The following KIF27 variants were observed in gnomAD, a reference collection of about 807,000 sequenced individuals.
KIF27 encodes kinesin-like protein KIF27.
KIF27 carries 84 observed loss-of-function variants against 141.8 expected under a neutral mutation model. The ratio of observed to expected loss-of-function variants is 0.59; its 90% confidence interval spans 0.50 to 0.71. The LOEUF is 0.71. Ranked by LOEUF, KIF27 falls within the 30% of genes least tolerant of loss-of-function variation. The pLI, the probability that KIF27 is intolerant of heterozygous loss-of-function variation, is 0.00. For synonymous variants in KIF27, 471 were observed against 569.5 expected (o/e 0.83, Z 2.46); for missense variants, 1,306 against 1,628.4 (o/e 0.80, Z 3.41).
At chr9:83,894,314 C>T (rs1183139891) in intron 5 of KIF27, among the ~76,000 whole-genome samples, 2 of 152,180 alleles carry the variant, frequency 1.3e-5, no homozygotes, top group Admixed American at 6.6e-5. Context: ...AACTTACTGA[C>T]AAATATAAAC....
chr9:83,853,712 G>C lies in KIF27; in HGVS notation c.3274C>G (p.Arg1092Gly), dbSNP rs529481603. Reference protein sequence around the residue: ...SLRASFHNLSRGEANVLEKLA... With the variant: ...SLRASFHNLSGGEANVLEKLA... ...TTTTCCAAGACATTTGCTTCACCAC[G>C]AGAGAGGTTATGGAATGATGCTCTA... Residue 1092 changes from arginine (R) to glycine (G), a missense_variant, in exon 15 of 18, where the codon CGT becomes GGT. This residue lies in a region of KIF27 where 596 missense variants were observed against 751.6 expected (regional missense o/e 0.79). Coordinates refer to ENST00000297814, the MANE Select transcript of KIF27 (RefSeq NM_017576.4). 1.9e-6 allele frequency: 3 copies of C among 1,613,758 alleles called. No homozygotes were observed. Among genetic ancestry groups the C allele is most frequent in the South Asian group, 1.1e-5 (1 of 91,066 alleles).
chr9:83,859,337 C>T lies in KIF27; in HGVS notation c.2969G>A (p.Arg990His), dbSNP rs146715557. 1.9e-3 allele frequency: 3,025 copies of T among 1,613,826 alleles called. No individual in the cohort carries two copies. The highest frequency in any genetic ancestry group is 2.4e-3 in the Non-Finnish European group (2,788 of 1,179,952). The change falls in exon 14 of 18, where the codon CGC (arginine) becomes CAC (histidine). Residue 990 changes from arginine (R) to histidine (H), a missense_variant. Arg to His is a conservative substitution (Grantham distance 29). Coordinates refer to ENST00000297814, the MANE Select transcript of KIF27 (RefSeq NM_017576.4). ...LNTDSLKISTRLNLLEQELSE... is the reference protein window; with the variant it reads ...LNTDSLKISTHLNLLEQELSE... ...CAACTCTTGTTCCAGTAAGTTCAGG[C>T]GAGTTGATATTTTCAAACTATCTGT...
At chr9:83,921,246 C>G (rs1956245735) in intron 1 of KIF27, 125 bp downstream of exon 1, 1 of 152,248 alleles carries the variant, frequency 6.6e-6, no homozygotes, top group Middle Eastern at 3.4e-3. Flanking sequence ...CAAGCCGGAG[C>G]CTACTAGTCC....
In KIF27 at chr9:83,859,139, A is replaced by T; in HGVS notation, c.3150+17T>A. The T allele has an allele frequency of 6.4e-7, 1 of 1,553,768 alleles. No homozygotes were observed. The highest frequency in any genetic ancestry group is 8.9e-7 in the Non-Finnish European group (1 of 1,124,996). ...TCCATCATACAGCACCTCCAGTTCCAAAGAATACTGACTTACTTCAGGTGA... is the reference window on the plus strand; with the variant it reads ...TCCATCATACAGCACCTCCAGTTCCTAAGAATACTGACTTACTTCAGGTGA... On this transcript the variant is annotated intron_variant, in intron 14 of 17. Coordinates refer to ENST00000297814, the MANE Select transcript of KIF27 (RefSeq NM_017576.4).
chr9:83,863,403 C>T (rs1433839632), intron 13 of KIF27, among the ~76,000 whole-genome samples: 2 of 152,138 alleles, frequency 1.3e-5, no homozygotes, highest in Non-Finnish European at 2.9e-5. Context: ...TGAATTTTGT[C>T]AAAGGCCTTT....
Position 83,848,110 on chromosome 9 carries a change from ATATC to A in KIF27, c.3556+1985_3556+1988del, listed in dbSNP as rs1564283798. ...ATATATATGATATATATGATATCTC[ATATC>A]TGATATATCTGATATCTCATATATG... On this transcript the variant is annotated intron_variant, in intron 16 of 17. Coordinates refer to ENST00000297814, the MANE Select transcript of KIF27 (RefSeq NM_017576.4). Among the ~76,000 whole-genome samples, 160 of 22,580 alleles carry A rather than the reference ATATC, an allele frequency of 7.1e-3. 61 individuals carry two copies. Among genetic ancestry groups the A allele is most frequent in the African/African-American group, 0.066 (149 of 2,256 alleles). The allele number at this position is 22,580 out of a possible 152,430, so 14.8% of individuals were successfully genotyped here. A position where few individuals can be genotyped will look rare whatever the true frequency, so the allele number is the denominator to read the frequency against.
chr9:83,912,749 A>G (rs1472603680), intron 2 of KIF27, among the ~76,000 whole-genome samples: 1 of 152,178 alleles, frequency 6.6e-6, no homozygotes, highest in Admixed American at 6.5e-5. Context: ...TCATTTAGCT[A>G]TTATATGGTA....
intron 16 of KIF27, among the ~76,000 whole-genome samples, chr9:83,845,877 CTG>C (rs1484284592): frequency 6.6e-6 from 1 of 152,188 alleles, no homozygotes; most frequent in Non-Finnish European, 1.5e-5. Context: ...TAGTCAAAAA[CTG>C]TGAAGATATT....
rs2780132 is a variant in KIF27 at position 83,835,622 on chromosome 9, A to G, written c.*1379T>C. ...CTAGCAATGAGAGAAAGGAAGCCTT[A>G]AGTCTTTGAGCACAGGGTGACAGTT... On this transcript the variant is annotated 3_prime_UTR_variant, in exon 18 of 18. Transcript: ENST00000297814. 1.3e-5 allele frequency: 2 copies of G among 152,172 alleles called. No individual in the cohort carries two copies. Among genetic ancestry groups the G allele is most frequent in the Non-Finnish European group, 2.9e-5 (2 of 68,028 alleles). 9.4% of individuals were successfully genotyped at this position (152,172 alleles called of 1,614,324 possible).
rs1430957244 is a variant in KIF27, at chr9:83,834,722, T to C, written c.*2279A>G. 1.3e-5 allele frequency among the ~76,000 whole-genome samples: 2 copies of C among 151,376 alleles called. No homozygotes were observed. Among genetic ancestry groups the C allele is most frequent in the East Asian group, 1.9e-4 (1 of 5,168 alleles). ...TTATTAGGATCTTCATTAATAAATA[T>C]TTATTTATAAATATTGCTGTGCTTG... On this transcript the variant is annotated 3_prime_UTR_variant, in exon 18 of 18. Transcript: ENST00000297814.
chr9:83,848,504 A>C lies in KIF27; in HGVS notation c.3556+1595T>G, dbSNP rs1002014039. On this transcript the variant is annotated intron_variant, in intron 16 of 17. Transcript: ENST00000297814. ...CATATAGATATGTATATATCTATAT[A>C]TAGCTATATATGCATATATACATAT... The C allele has an allele frequency of 2.8e-5, 4 of 144,624 alleles. No individual in the cohort carries two copies. The Admixed American group carries it at 2.8e-4, about 10-fold the overall frequency. 9.0% of individuals were successfully genotyped at this position (144,624 alleles called of 1,614,324 possible).
chr9:83,916,271 G>A (rs1206640713), intron 1 of KIF27, among the ~76,000 whole-genome samples: 1 of 152,142 alleles, frequency 6.6e-6, no homozygotes, highest in Non-Finnish European at 1.5e-5. Context: ...AACCTCAGGT[G>A]ACCCGCCCGC....
intron 13 of KIF27, chr9:83,863,894 T>G (rs1950147009): frequency 6.6e-6 from 1 of 152,194 alleles, no homozygotes; most frequent in African/African-American, 2.4e-5. Flanking sequence ...TTCCTCCTGG[T>G]TTAGTCTTGG....
In KIF27 at chr9:83,856,612, T is replaced by C. The variant is rs543192142; in HGVS notation, c.3150+2544A>G. 3.3e-5 allele frequency among the ~76,000 whole-genome samples: 5 copies of C among 151,932 alleles called. No homozygotes were observed. The South Asian group carries it at 1.0e-3, about 32-fold the overall frequency. On this transcript the variant is annotated intron_variant, in intron 14 of 17. Coordinates refer to ENST00000297814, the MANE Select transcript of KIF27 (RefSeq NM_017576.4). Reference sequence around the variant, plus strand: ...AAAAACTAGCCAAGCATGATGGCACTTGCCTGCAGTGCCAGCTACTCAGGT... The same window carrying C: ...AAAAACTAGCCAAGCATGATGGCACCTGCCTGCAGTGCCAGCTACTCAGGT...
At chr9:83,848,580 CAT>C (rs1273528317) in intron 16 of KIF27, 7 of 143,702 alleles carry the variant, frequency 4.9e-5, no homozygotes, top group Non-Finnish European at 1.1e-4. Context: ...CTATATATAT[CAT>C]ATATGCTATA....
At chr9:83,844,351 T>TATAGATAG (rs59174820) in intron 16 of KIF27, among the ~76,000 whole-genome samples, 1,387 of 109,436 alleles carry the variant, frequency 0.013, 20 homozygotes, top group African/African-American at 0.049. Flanking sequence ...TATATAGATA[T>TATAGATAG]CTATATCTAT....
chr9:83,900,701 G>A (rs1236452458), intron 4 of KIF27, among the ~76,000 whole-genome samples: 3 of 151,640 alleles, frequency 2.0e-5, no homozygotes, highest in Non-Finnish European at 2.9e-5. Context: ...ATCAATCAAC[G>A]AATGGATAAA....
At chr9:83,864,278 T>G (rs1950179635) in intron 13 of KIF27, among the ~76,000 whole-genome samples, 1 of 152,246 alleles carries the variant, frequency 6.6e-6, no homozygotes, top group Non-Finnish European at 1.5e-5. Flanking sequence ...GCTGTTAATT[T>G]TAGATCTTTC....
At chr9:83,875,262 G>A (rs1391055091) in intron 11 of KIF27, among the ~76,000 whole-genome samples, 1 of 152,166 alleles carries the variant, frequency 6.6e-6, no homozygotes, top group Non-Finnish European at 1.5e-5. Context: ...AGGCTTTAAT[G>A]GTTCATTGGA....
Sources: gnomAD v4.1 joint callset for allele counts (sites outside exome capture counted in the v4.1 genomes callset) on GRCh38, gnomAD v4.1.1 for gene constraint, gnomAD v4.1.1 regional missense constraint, MANE v1.5 for transcripts, NCBI Gene and HGNC (gene_info 2026-07-23, HGNC 2026-07-21) for gene names.